Variants in APPL1 observed in about 807,000 individuals in gnomAD.
The protein encoded by APPL1 is DCC-interacting protein 13-alpha.
Under a neutral mutation model 106.8 loss-of-function variants are expected in APPL1, and 42 were observed. The ratio of observed to expected loss-of-function variants is 0.39; its 90% CI spans 0.31 to 0.51. The LOEUF (loss-of-function observed/expected upper bound fraction) is 0.51. Among genes scored for constraint, APPL1 ranks in the 20% least tolerant of loss-of-function variants. APPL1 has a pLI of 0.75. For synonymous variants in APPL1, 263 were observed against 281.8 expected, an observed-to-expected ratio of 0.93 and a Z score of 0.67; for missense variants, 769 against 858.2, an observed-to-expected ratio of 0.90 and a Z score of 1.30.
intron 19 of APPL1, among the ~76,000 whole-genome samples, chr3:57,266,559 A>G (rs1016898759): frequency 3.9e-5 from 6 of 152,116 alleles, no homozygotes; most frequent in African/African-American, 1.2e-4. Context: ...TTAATCTCCA[A>G]TTTTATTTGA....
At chr3:57,248,640 C>T (rs573233171) in intron 10 of APPL1, among the ~76,000 whole-genome samples, 6 of 152,238 alleles carry the variant, frequency 3.9e-5, no homozygotes, top group East Asian at 3.9e-4. Flanking sequence ...GAGGCTGAGG[C>T]GGGCGGATCA....
chr3:57,247,458 A>T lies in APPL1; in HGVS notation c.685A>T (p.Ile229Phe). The stretch of plus-strand genomic sequence containing the variant: ...ACAACTGGAAGAATTTTTAGCTAAT[A>T]TTGGAACAAGCGTTCAGAAGTAAGT... ...NEQLEEFLAN[I>F]GTSVQNVRRE... is the part of the protein sequence containing the mutation. Residue 229 changes from isoleucine to phenylalanine, a missense_variant, in exon 9 of 22, where the codon ATT (isoleucine) becomes TTT (phenylalanine). By Grantham distance (21) the Ile-to-Phe change is conservative. Transcript: ENST00000288266. 1 of 1,607,946 alleles carries T rather than the reference A, an allele frequency of 6.2e-7. No homozygotes were observed. Among genetic ancestry groups the T allele is most frequent in the Non-Finnish European group, 8.5e-7 (1 of 1,175,100 alleles).
intron 1 of APPL1, among the ~76,000 whole-genome samples, chr3:57,233,516 G>A (rs1399068297): frequency 2.7e-5 from 4 of 150,914 alleles, no homozygotes; most frequent in South Asian, 2.1e-4. Context: ...GAAACGAAGC[G>A]GCAGATTTTT....
intron 1 of APPL1, among the ~76,000 whole-genome samples, chr3:57,233,743 C>T (rs770342030): frequency 2.0e-5 from 3 of 151,942 alleles, no homozygotes; most frequent in Non-Finnish European, 4.4e-5. Context: ...TAGCTTCCTC[C>T]TCTGAAAATA....
chr3:57,257,984 C>T (rs2060846271), intron 15 of APPL1, among the ~76,000 whole-genome samples: 1 of 152,078 alleles, frequency 6.6e-6, no homozygotes, highest in African/African-American at 2.4e-5. Flanking sequence ...ACCTAATAAA[C>T]TGATAATATA....
intron 6 of APPL1, 136 bp downstream of exon 6, chr3:57,242,278 C>A: frequency 1.6e-6 from 1 of 636,012 alleles, no homozygotes; most frequent in Non-Finnish European, 2.6e-6. Context: ...ATCAGTATTG[C>A]TACTTAAATT....
chr3:57,235,603 C>T lies in APPL1; in HGVS notation c.92C>T (p.Thr31Ile). The T allele has an allele frequency of 6.2e-7, 1 of 1,613,278 alleles. No individual in the cohort carries two copies. ...SLLGVFEEDA[T>I]AISNYMNQLY... Reference sequence around the variant, plus strand: ...CTAGGTGTATTTGAAGAAGATGCCACAGCTATTTCCAACTATATGAACCAG... The same window carrying T: ...CTAGGTGTATTTGAAGAAGATGCCATAGCTATTTCCAACTATATGAACCAG... Residue 31 changes from threonine (T) to isoleucine (I), a missense_variant, in exon 2 of 22, where the codon ACA becomes ATA. Coordinates refer to ENST00000288266, the MANE Select transcript of APPL1 (RefSeq NM_012096.3).
intron 3 of APPL1, among the ~76,000 whole-genome samples, chr3:57,237,772 T>C (rs2060724118): frequency 6.6e-6 from 1 of 152,226 alleles, no homozygotes; most frequent in South Asian, 2.1e-4. Context: ...TGTGACTTGC[T>C]GAACATTACA....
chr3:57,261,708 C>T (rs1213973503), intron 19 of APPL1, among the ~76,000 whole-genome samples: 4 of 152,092 alleles, frequency 2.6e-5, no homozygotes, highest in Non-Finnish European at 4.4e-5. Flanking sequence ...TTAGTAGAGA[C>T]GGGGTTTCAC....
rs776509842 is a variant in APPL1, at chr3:57,268,371, C to T, written c.1894-27C>T. The T allele has an allele frequency of 2.0e-6, 3 of 1,491,480 alleles. No homozygotes were observed. In the African/African-American group the frequency reaches 4.2e-5, roughly 21 times the overall value. The allele number at this position is 1,491,480 out of a possible 1,614,324, so 92.4% of individuals were successfully genotyped here. A position where few individuals can be genotyped will look rare whatever the true frequency, so the allele number is the denominator to read the frequency against. On this transcript the variant is annotated intron_variant, in intron 20 of 21. Transcript: ENST00000288266. ...ATTTAAAGTTATTTCATATTTAATT[C>T]ATTAGTTTTATTCATCTGTTCTTTA... is the stretch of plus-strand genomic sequence containing the variant.
chr3:57,249,683 T>C, intron 11 of APPL1, 135 bp downstream of exon 11: 1 of 781,138 alleles, frequency 1.3e-6, no homozygotes, highest in Non-Finnish European at 1.9e-6. Flanking sequence ...TTTTTAATCT[T>C]GTAGAAATAT....
At chr3:57,248,386 A>C (rs1317854264) in intron 10 of APPL1, 35 bp downstream of exon 10, 1 of 1,594,848 alleles carries the variant, frequency 6.3e-7, no homozygotes, top group Non-Finnish European at 8.6e-7. Flanking sequence ...TATATTGTGT[A>C]TCATGTAAGA....
At chr3:57,261,967 A>C (rs572608188) in intron 19 of APPL1, among the ~76,000 whole-genome samples, 1 of 152,266 alleles carries the variant, frequency 6.6e-6, no homozygotes, top group South Asian at 2.1e-4. Flanking sequence ...CATTCTGACT[A>C]GGGTAAGAAT....
In APPL1 at chr3:57,269,739, GA is replaced by G; in HGVS notation, c.*55del. On this transcript the variant is annotated 3_prime_UTR_variant, in exon 22 of 22. Transcript: ENST00000288266. Reference sequence around the variant, plus strand: ...CTTGGAATTTGACAGTTTCTATGGTGAAATGGCAGAAGGTAACAACTATGTT... The same window carrying G: ...CTTGGAATTTGACAGTTTCTATGGTGAATGGCAGAAGGTAACAACTATGTT... The G allele has an allele frequency of 6.3e-7, 1 of 1,576,714 alleles. No homozygotes were observed. The highest frequency in any genetic ancestry group is 2.2e-5 in the East Asian group (1 of 44,546).
intron 8 of APPL1, among the ~76,000 whole-genome samples, chr3:57,246,890 C>G (rs951798180): frequency 6.6e-6 from 1 of 150,430 alleles, no homozygotes; most frequent in Non-Finnish European, 1.5e-5. Flanking sequence ...GTGATCCCAG[C>G]AACTTGGGAG....
chr3:57,248,027 A>G (rs2107602940), intron 9 of APPL1, among the ~76,000 whole-genome samples, 166 bp from the exon 10 acceptor site: 1 of 151,982 alleles, frequency 6.6e-6, no homozygotes, highest in South Asian at 2.1e-4. Flanking sequence ...CTAAGTTTCA[A>G]ATAAACTGTA....
At chr3:57,235,731 G>C in intron 2 of APPL1, 67 bp downstream of exon 2, 2 of 1,150,204 alleles carry the variant, frequency 1.7e-6, no homozygotes, top group Non-Finnish European at 2.6e-6. Context: ...AGGACAGATA[G>C]TGTCTGTCTT....
intron 5 of APPL1, 117 bp from the exon 6 acceptor site, chr3:57,241,984 G>T: frequency 1.4e-6 from 1 of 697,438 alleles, no homozygotes; most frequent in Admixed American, 3.2e-5. Flanking sequence ...CACCCTGAAT[G>T]TTGAACTATG....
At chr3:57,234,347 G>C (rs769598459) in intron 1 of APPL1, among the ~76,000 whole-genome samples, 2 of 146,264 alleles carry the variant, frequency 1.4e-5, no homozygotes, top group South Asian at 2.1e-4. Context: ...GCCCAAGCTG[G>C]AGTGCGGTGG....
Sources: gnomAD v4.1 joint callset for allele counts (sites outside exome capture counted in the v4.1 genomes callset) on GRCh38, gnomAD v4.1.1 for gene constraint, MANE v1.5 for transcripts, NCBI Gene and HGNC (gene_info 2026-07-23, HGNC 2026-07-21) for gene names.